The following TANGO6 variants were observed in gnomAD, a reference collection of about 807,000 sequenced individuals.
TANGO6 encodes transport and Golgi organization protein 6 homolog.
In TANGO6, 90 loss-of-function variants were observed where a neutral mutation model predicts 114.2. The observed-to-expected ratio is 0.79, with a 90% CI of 0.66 to 0.94. The LOEUF (loss-of-function observed/expected upper bound fraction) is 0.94, where lower values mean the gene tolerates loss of function less well. TANGO6 is among the 40% of genes least tolerant of loss of function. TANGO6 has a pLI of 0.00. For missense variants in TANGO6, 1,274 were observed against 1,315.3 expected (o/e 0.97, Z 0.49); for synonymous variants, 477 against 509.8 (o/e 0.94, Z 0.87).
chr16:68,871,500 C>T (rs1001709282), intron 4 of TANGO6, among the ~76,000 whole-genome samples: 6 of 152,144 alleles, frequency 3.9e-5, no homozygotes, highest in African/African-American at 1.2e-4. Context: ...CCCCTCAGAT[C>T]TCTCTTTCTG....
chr16:68,962,359 T>G (rs1347248305), intron 14 of TANGO6, among the ~76,000 whole-genome samples: 2 of 152,324 alleles, frequency 1.3e-5, no homozygotes, highest in East Asian at 3.9e-4. Flanking sequence ...TCTCTTTTCT[T>G]AATCAGGAGG....
At chr16:69,055,950 A>T (rs576155921) in intron 17 of TANGO6, among the ~76,000 whole-genome samples, 78 of 152,158 alleles carry the variant, frequency 5.1e-4, no homozygotes, top group Middle Eastern at 3.4e-3. Flanking sequence ...GAGGCAGGAG[A>T]ATTGCTTGAA....
chr16:68,957,046 G>T (rs1319457166), intron 14 of TANGO6, among the ~76,000 whole-genome samples: 1 of 151,906 alleles, frequency 6.6e-6, no homozygotes, highest in Non-Finnish European at 1.5e-5. Flanking sequence ...ATGGAAGAAG[G>T]CCCCTTCATC....
At chr16:69,070,638 A>G (rs1278515670) in intron 17 of TANGO6, among the ~76,000 whole-genome samples, 1 of 150,296 alleles carries the variant, frequency 6.7e-6, no homozygotes, top group East Asian at 1.9e-4. Flanking sequence ...ATCTCAAAAA[A>G]AAAAAAAACA....
intron 15 of TANGO6, among the ~76,000 whole-genome samples, chr16:68,991,640 C>T (rs570484097): frequency 9.9e-5 from 15 of 151,638 alleles, no homozygotes; most frequent in African/African-American, 3.4e-4. Flanking sequence ...GAGATTTCAT[C>T]GATAAATAAA....
Position 68,927,652 on chromosome 16 carries a change from C to T in TANGO6, c.2212C>T (p.Gln738Ter), listed in dbSNP as rs755324812. 2 of 1,613,918 alleles carry T rather than the reference C, an allele frequency of 1.2e-6. No individual in the cohort carries two copies. The highest frequency in any genetic ancestry group is 2.2e-5 in the East Asian group (1 of 44,898). ...VSNTYPDPVI[Q>*]ELAVDLRITI... ...CAACACATACCCTGATCCGGTCATC[C>T]AAGAACTCGCTGTTGATCTCCGCAT... The change falls in exon 13 of 18, where the codon CAA becomes TAA. Residue 738 changes from glutamine to a stop codon, truncating the protein, a stop_gained. Coordinates refer to ENST00000261778, the MANE Select transcript of TANGO6 (RefSeq NM_024562.2). LOFTEE classifies it high-confidence loss of function.
At chr16:68,875,321 A>G in intron 5 of TANGO6, 31 bp downstream of exon 5, 1 of 1,602,680 alleles carries the variant, frequency 6.2e-7, no homozygotes, top group Non-Finnish European at 8.5e-7. Context: ...TGATCATTTG[A>G]GGATTATCTG....
intron 15 of TANGO6, among the ~76,000 whole-genome samples, chr16:69,006,189 A>G (rs1297945590): frequency 6.6e-6 from 1 of 152,056 alleles, no homozygotes; most frequent in East Asian, 1.9e-4. Flanking sequence ...AGATCACCGA[A>G]GAATCCAGAT....
At chr16:68,964,734 T>C (rs1379705710) in intron 14 of TANGO6, among the ~76,000 whole-genome samples, 1 of 148,048 alleles carries the variant, frequency 6.8e-6, no homozygotes, top group South Asian at 2.2e-4. Flanking sequence ...GCACAGCTAA[T>C]TTTTTTTTTT....
At chr16:69,059,484 G>T (rs2152239635) in intron 17 of TANGO6, among the ~76,000 whole-genome samples, 1 of 152,128 alleles carries the variant, frequency 6.6e-6, no homozygotes, top group Non-Finnish European at 1.5e-5. Flanking sequence ...GGGATTAAAG[G>T]CGTGAGCCAC....
chr16:68,895,132 A>C (rs1335523525), intron 7 of TANGO6, among the ~76,000 whole-genome samples: 1 of 152,158 alleles, frequency 6.6e-6, no homozygotes, highest in Non-Finnish European at 1.5e-5. Context: ...TTGGCTGAAT[A>C]CCTGGCTCAC....
chr16:69,062,000 A>G (rs1001689471), intron 17 of TANGO6, among the ~76,000 whole-genome samples: 1 of 152,204 alleles, frequency 6.6e-6, no homozygotes, highest in African/African-American at 2.4e-5. Context: ...AGCCTTGGCG[A>G]CAGAGCGAGA....
intron 6 of TANGO6, among the ~76,000 whole-genome samples, chr16:68,879,421 G>T (rs1004677712): frequency 6.6e-6 from 1 of 152,132 alleles, no homozygotes; most frequent in Non-Finnish European, 1.5e-5. Context: ...GGTTGAGGTT[G>T]CAGTGAGCCA....
At chr16:69,031,671 T>C (rs1959595549) in intron 16 of TANGO6, among the ~76,000 whole-genome samples, 1 of 152,022 alleles carries the variant, frequency 6.6e-6, no homozygotes, top group South Asian at 2.1e-4. Flanking sequence ...TGACTTTTTT[T>C]TTTTGATACA....
chr16:69,078,736 ATTTTAT>A (rs1009780353), intron 17 of TANGO6, among the ~76,000 whole-genome samples: 2 of 152,008 alleles, frequency 1.3e-5, no homozygotes, highest in Admixed American at 6.6e-5. Flanking sequence ...TCTGTATTTT[ATTTTAT>A]TTTTATTTTT....
intron 8 of TANGO6, among the ~76,000 whole-genome samples, chr16:68,901,635 C>A (rs778938639): frequency 6.6e-6 from 1 of 152,092 alleles, no homozygotes; most frequent in Non-Finnish European, 1.5e-5. Flanking sequence ...CTTATAGGCA[C>A]CTTCCACCAT....
rs184844958 is a variant in TANGO6 at position 68,860,192 on chromosome 16, G to A, written c.403G>A (p.Asp135Asn). Residue 135 changes from aspartate (D) to asparagine (N), a missense_variant, in exon 2 of 18, where the codon GAT (aspartate) becomes AAT (asparagine). Coordinates refer to ENST00000261778, the MANE Select transcript of TANGO6 (RefSeq NM_024562.2). The part of the protein sequence containing the change: ...TPEVAPALSP[D>N]ALSISQQKTV... ...GGAAGTTGCTCCTGCCCTGAGCCCC[G>A]ATGCACTTAGTATCTCACAACAGAA... is the stretch of plus-strand genomic sequence containing the variant. The A allele has an allele frequency of 8.1e-6, 13 of 1,613,946 alleles. No individual in the cohort carries two copies. Among genetic ancestry groups the A allele is most frequent in the African/African-American group, 4.0e-5 (3 of 75,014 alleles).
At chr16:68,980,435 A>ATATATATTTT (rs1317961639) in intron 15 of TANGO6, among the ~76,000 whole-genome samples, 4 of 61,772 alleles carry the variant, frequency 6.5e-5, no homozygotes, top group African/African-American at 2.9e-4. Flanking sequence ...ATATATATAT[A>ATATATATTTT]TTTTTTTTTT....
chr16:68,936,434 G>A (rs902197356), intron 14 of TANGO6, among the ~76,000 whole-genome samples: 21 of 152,210 alleles, frequency 1.4e-4, no homozygotes, highest in African/African-American at 4.6e-4. Flanking sequence ...CCGGGTTCAA[G>A]CAATTCTCCT....
Sources: allele counts gnomAD v4.1 joint callset (sites outside exome capture counted in the v4.1 genomes callset), GRCh38; gene constraint gnomAD v4.1.1; transcripts MANE v1.5; gene names NCBI Gene and HGNC (gene_info 2026-07-23, HGNC 2026-07-21).